Variants in CFAP95 observed in about 807,000 individuals in gnomAD.
CFAP95 encodes cilia- and flagella-associated protein 95.
At chr9:69,858,671 G>GGTGAAAA in the CFAP95 span, among the ~76,000 whole-genome samples, 1 of 152,252 alleles carries the variant, frequency 6.6e-6, no homozygotes, top group South Asian at 2.1e-4. Flanking sequence ...TTGATCGATT[G>GGTGAAAA]GTGAAAATGT....
the CFAP95 span, among the ~76,000 whole-genome samples, chr9:69,875,732 T>A: frequency 6.6e-6 from 1 of 152,212 alleles, no homozygotes; most frequent in Non-Finnish European, 1.5e-5. Flanking sequence ...TATGGAATAT[T>A]TTCATTATCT....
chr9:69,902,857 T>C, the CFAP95 span, among the ~76,000 whole-genome samples: 1 of 152,318 alleles, frequency 6.6e-6, no homozygotes, highest in African/African-American at 2.4e-5. Flanking sequence ...TTGTATGCTT[T>C]GTCACAAATT....
the CFAP95 span, among the ~76,000 whole-genome samples, chr9:69,830,860 C>G: frequency 6.6e-6 from 1 of 152,092 alleles, no homozygotes; most frequent in African/African-American, 2.4e-5. Context: ...CAGTCTTCCT[C>G]TAATACCCAG....
At chr9:69,877,180 G>A in the CFAP95 span, among the ~76,000 whole-genome samples, 5 of 152,170 alleles carry the variant, frequency 3.3e-5, no homozygotes, top group African/African-American at 4.8e-5. Context: ...CCAGCATCAC[G>A]TGACTCACTC....
the CFAP95 span, among the ~76,000 whole-genome samples, chr9:69,857,398 A>G: frequency 6.6e-6 from 1 of 152,222 alleles, no homozygotes; most frequent in Non-Finnish European, 1.5e-5. Flanking sequence ...AGTCAAAATA[A>G]TGACAAAAAT....
the CFAP95 span, among the ~76,000 whole-genome samples, chr9:69,827,054 C>A: frequency 6.6e-6 from 1 of 152,166 alleles, no homozygotes; most frequent in African/African-American, 2.4e-5. Context: ...ATAATATATA[C>A]TTCTGTTACA....
At chr9:69,883,982 G>A in the CFAP95 span, among the ~76,000 whole-genome samples, 18 of 151,766 alleles carry the variant, frequency 1.2e-4, no homozygotes, top group Non-Finnish European at 2.4e-4. Context: ...AGGTTATTTA[G>A]GTTATTTATT....
the CFAP95 span, among the ~76,000 whole-genome samples, chr9:69,873,157 C>T: frequency 6.6e-6 from 1 of 152,126 alleles, no homozygotes; most frequent in African/African-American, 2.4e-5. Context: ...ATATATCAGT[C>T]AGAAATTTGG....
At chr9:69,878,307 C>T in the CFAP95 span, among the ~76,000 whole-genome samples, 4 of 152,184 alleles carry the variant, frequency 2.6e-5, no homozygotes, top group African/African-American at 7.2e-5. Context: ...AAAAGTCATG[C>T]TTCAGATCTT....
At chr9:69,882,946 G>C in the CFAP95 span, among the ~76,000 whole-genome samples, 1 of 152,086 alleles carries the variant, frequency 6.6e-6, no homozygotes, top group African/African-American at 2.4e-5. Flanking sequence ...TTGGAATCAG[G>C]GTAATACTGG....
the CFAP95 span, among the ~76,000 whole-genome samples, chr9:69,823,745 G>A: frequency 8.5e-5 from 13 of 152,162 alleles, no homozygotes; most frequent in African/African-American, 1.2e-4. Flanking sequence ...TAAGGGTGGG[G>A]CCGTTTTATA....
chr9:69,896,735 A>C, the CFAP95 span, among the ~76,000 whole-genome samples: 1 of 152,184 alleles, frequency 6.6e-6, no homozygotes, highest in African/African-American at 2.4e-5. Flanking sequence ...AATAGAAATA[A>C]AACTTGGCCA....
chr9:69,843,650 C>T, the CFAP95 span, among the ~76,000 whole-genome samples: 2 of 131,016 alleles, frequency 1.5e-5, no homozygotes, highest in African/African-American at 5.9e-5. Context: ...CTCCTTCTTT[C>T]TTCTTCTTTT....
chr9:69,840,052 G>A, the CFAP95 span, among the ~76,000 whole-genome samples: 1 of 150,066 alleles, frequency 6.7e-6, no homozygotes, highest in Non-Finnish European at 1.5e-5. Flanking sequence ...ACTCTAGCCT[G>A]GGCAACAAAA....
the CFAP95 span, among the ~76,000 whole-genome samples, chr9:69,885,463 T>A: frequency 4.4e-3 from 673 of 152,338 alleles, 6 homozygotes; most frequent in African/African-American, 0.015. Context: ...TGGCTGCAGT[T>A]GGAGTTCAGC....
At chr9:69,833,517 A>G in the CFAP95 span, among the ~76,000 whole-genome samples, 66 of 152,190 alleles carry the variant, frequency 4.3e-4, no homozygotes, top group African/African-American at 1.6e-3. Flanking sequence ...TATACATACT[A>G]TTTAGTCTAA....
At chr9:69,894,642 C>T in the CFAP95 span, among the ~76,000 whole-genome samples, 1 of 152,196 alleles carries the variant, frequency 6.6e-6, no homozygotes, top group Non-Finnish European at 1.5e-5. Flanking sequence ...TGAGTAATAA[C>T]ACACCATGTA....
the CFAP95 span, among the ~76,000 whole-genome samples, chr9:69,897,922 C>G: frequency 6.6e-6 from 1 of 152,146 alleles, no homozygotes; most frequent in Non-Finnish European, 1.5e-5. Context: ...AGGAAGAGAA[C>G]AAGAAGAAAA....
the CFAP95 span, chr9:69,884,618 C>G: frequency 6.6e-6 from 1 of 151,840 alleles, no homozygotes; most frequent in Non-Finnish European, 1.5e-5. Context: ...TCCTGAGTAG[C>G]TGGGACTATA....
Sources: gnomAD v4.1 joint callset for allele counts (sites outside exome capture counted in the v4.1 genomes callset) on GRCh38, gnomAD v4.1.1 for gene constraint, MANE v1.5 for transcripts, NCBI Gene and HGNC (gene_info 2026-07-23, HGNC 2026-07-21) for gene names.